Variants in SEMA3A observed in about 807,000 individuals in gnomAD.
SEMA3A encodes semaphorin 3A, also known as semaphorin-3A.
Under a neutral mutation model 97.9 loss-of-function variants are expected in SEMA3A, and 29 were observed. That is an observed-to-expected ratio of 0.30 (90% confidence interval 0.22 to 0.40). SEMA3A has a LOEUF of 0.40. SEMA3A is among the 10% of genes least tolerant of loss of function. The pLI is 1.00. For synonymous variants in SEMA3A, 321 were observed against 323.7 expected, an observed-to-expected ratio of 0.99 and a Z score of 0.09; for missense variants, 763 against 951.3, an observed-to-expected ratio of 0.80 and a Z score of 2.60.
intron 2 of SEMA3A, among the ~76,000 whole-genome samples, chr7:84,352,152 T>C (rs1802452793): frequency 6.6e-6 from 1 of 151,978 alleles, no homozygotes; most frequent in South Asian, 2.1e-4. Context: ...TGCATGTTTT[T>C]ACTCACTTGT....
At chr7:84,491,660 A>G (rs1806738356) in intron 1 of SEMA3A, among the ~76,000 whole-genome samples, 1 of 152,146 alleles carries the variant, frequency 6.6e-6, no homozygotes, top group Admixed American at 6.6e-5. Flanking sequence ...AAATCAGAGT[A>G]GGGGGCTCAA....
At chr7:84,397,527 A>T (rs1173250996) in intron 1 of SEMA3A, among the ~76,000 whole-genome samples, 2 of 149,662 alleles carry the variant, frequency 1.3e-5, no homozygotes, top group Non-Finnish European at 3.0e-5. Context: ...ATTACATATA[A>T]CATATATACA....
chr7:84,115,740 T>C (rs1427644477), intron 3 of SEMA3A, among the ~76,000 whole-genome samples: 2 of 152,122 alleles, frequency 1.3e-5, no homozygotes, highest in Non-Finnish European at 2.9e-5. Flanking sequence ...TTCTGGGAAA[T>C]CTACATAAAT....
At chr7:84,370,182 G>T (rs1373854553) in intron 2 of SEMA3A, among the ~76,000 whole-genome samples, 1 of 151,476 alleles carries the variant, frequency 6.6e-6, no homozygotes, top group Admixed American at 6.6e-5. Flanking sequence ...TATTCTGCAG[G>T]CAAAGGAAGC....
At chr7:84,087,593 T>C (rs76124681) in intron 4 of SEMA3A, among the ~76,000 whole-genome samples, 7,398 of 152,198 alleles carry the variant, frequency 0.049, 236 homozygotes, top group African/African-American at 0.085. Context: ...ATGATGCTGA[T>C]TGAACTTGGG....
chr7:84,419,344 A>G (rs1008425221), intron 1 of SEMA3A, among the ~76,000 whole-genome samples: 1 of 152,136 alleles, frequency 6.6e-6, no homozygotes, highest in South Asian at 2.1e-4. Flanking sequence ...ACAATGTAGT[A>G]TATCTTAAAT....
intron 4 of SEMA3A, among the ~76,000 whole-genome samples, chr7:84,099,065 CTTTTTTTTTCT>C (rs1219910736): frequency 2.2e-5 from 2 of 92,556 alleles, no homozygotes; most frequent in South Asian, 3.2e-4. Flanking sequence ...ATTACATTTT[CTTTTTTTTTCT>C]TTTTTTTTTT....
chr7:84,009,917 A>AAAAAC, intron 9 of SEMA3A, among the ~76,000 whole-genome samples: 1 of 149,332 alleles, frequency 6.7e-6, no homozygotes, highest in African/African-American at 2.5e-5. Flanking sequence ...AAAAAAAAAA[A>AAAAAC]AAAAAAAAAA....
rs373447567 is a variant in SEMA3A at position 83,961,123 on chromosome 7, A to G, written c.*248T>C. 78 of 508,144 alleles carry G rather than the reference A, an allele frequency of 1.5e-4. 1 individual carries two copies. The highest frequency in any genetic ancestry group is 1.4e-3 in the African/African-American group (71 of 51,944). The allele number at this position is 508,144 out of a possible 1,614,324, so 31.5% of individuals were successfully genotyped here. ...TGTACAGTGAAATCTCATAGGAAACATTAAGTCTGCTAAAGTGAACATCTG... is the reference window on the plus strand; with the variant it reads ...TGTACAGTGAAATCTCATAGGAAACGTTAAGTCTGCTAAAGTGAACATCTG... On this transcript the variant is annotated 3_prime_UTR_variant, in exon 17 of 17. Coordinates refer to ENST00000265362, the MANE Select transcript of SEMA3A (RefSeq NM_006080.3).
intron 15 of SEMA3A, among the ~76,000 whole-genome samples, chr7:83,966,080 G>A (rs1274863043): frequency 1.3e-5 from 2 of 151,736 alleles, no homozygotes; most frequent in Non-Finnish European, 2.9e-5. Flanking sequence ...AATCTTTCTT[G>A]TAGTTCTAGG....
intron 1 of SEMA3A, among the ~76,000 whole-genome samples, chr7:84,149,317 G>T (rs1200526888): frequency 6.6e-6 from 1 of 152,194 alleles, no homozygotes; most frequent in East Asian, 1.9e-4. Context: ...TGCTATTAAT[G>T]TAATTGTCTA....
intron 1 of SEMA3A, among the ~76,000 whole-genome samples, chr7:84,395,784 G>A (rs1365003021): frequency 6.6e-6 from 1 of 151,972 alleles, no homozygotes; most frequent in Non-Finnish European, 1.5e-5. Context: ...GTTTCCTGAG[G>A]CCTTCTCAGC....
chr7:84,331,708 GA>G (rs924144890), intron 2 of SEMA3A, among the ~76,000 whole-genome samples: 5 of 148,648 alleles, frequency 3.4e-5, no homozygotes, highest in East Asian at 2.0e-4. Context: ...TGCTGTTTGG[GA>G]AAAAAAAAAT....
chr7:84,472,715 C>T (rs1289436529), intron 1 of SEMA3A, among the ~76,000 whole-genome samples: 2 of 152,158 alleles, frequency 1.3e-5, no homozygotes, highest in African/African-American at 4.8e-5. Flanking sequence ...ATATCCTGCT[C>T]TTAAACTGTT....
In SEMA3A at chr7:84,292,375, A is replaced by C. The variant is rs982320679; in HGVS notation, c.-83+14832T>G. On this transcript the variant is annotated intron_variant, in intron 3 of 3. Coordinates refer to the SEMA3A transcript ENST00000424555. ...AAAATTTCTGCTAAGCATTATTATT[A>C]ATTTCATGTATTTATTAAAAATAAT... is the stretch of plus-strand genomic sequence containing the variant. Among the ~76,000 whole-genome samples, 8 of 152,056 alleles carry C rather than the reference A, an allele frequency of 5.3e-5. No individual in the cohort carries two copies. The East Asian group carries it at 1.4e-3, about 26-fold the overall frequency.
chr7:84,112,137 T>C (rs1795291638), intron 3 of SEMA3A, among the ~76,000 whole-genome samples: 1 of 152,214 alleles, frequency 6.6e-6, no homozygotes, highest in Non-Finnish European at 1.5e-5. Flanking sequence ...TTCAGTCATT[T>C]GCAAAGAAGC....
chr7:84,261,370 C>T (rs1237714628), intron 3 of SEMA3A, among the ~76,000 whole-genome samples: 1 of 152,144 alleles, frequency 6.6e-6, no homozygotes, highest in South Asian at 2.1e-4. Flanking sequence ...TACAAATAGG[C>T]TGAAAAACCC....
chr7:84,414,851 G>A (rs185796737), intron 1 of SEMA3A, among the ~76,000 whole-genome samples: 2 of 151,912 alleles, frequency 1.3e-5, no homozygotes, highest in Admixed American at 6.6e-5. Flanking sequence ...ATAAATAAAC[G>A]AATCAGCAAA....
chr7:84,054,065 T>C (rs1222128744), intron 5 of SEMA3A, among the ~76,000 whole-genome samples: 1 of 151,708 alleles, frequency 6.6e-6, no homozygotes, highest in Non-Finnish European at 1.5e-5. Flanking sequence ...GCTTGTAGGG[T>C]TTCTGCTGAG....
Sources: gnomAD v4.1 joint callset for allele counts (sites outside exome capture counted in the v4.1 genomes callset) on GRCh38, gnomAD v4.1.1 for gene constraint, MANE v1.5 for transcripts, NCBI Gene and HGNC (gene_info 2026-07-23, HGNC 2026-07-21) for gene names.